ZNF385C: variants seen among roughly 807,000 people sequenced by gnomAD.
ZNF385C encodes the protein zinc finger protein 385C, also known as CTD-2132N18.2.
In ZNF385C, 28 loss-of-function variants were observed where a neutral mutation model predicts 35.4. The observed-to-expected ratio is 0.79, with a 90% CI of 0.59 to 1.08. The LOEUF is 1.08. ZNF385C is among the 50% of genes least tolerant of loss of function. The pLI, the probability that ZNF385C is intolerant of heterozygous loss-of-function variation, is 0.00. For synonymous variants in ZNF385C, 248 were observed against 248.2 expected (o/e 1.00, Z 0.01); for missense variants, 605 against 595.6 (o/e 1.02, Z -0.16).
At chr17:42,055,472 G>C (rs2053359076) in intron 2 of ZNF385C, among the ~76,000 whole-genome samples, 1 of 152,094 alleles carries the variant, frequency 6.6e-6, no homozygotes, top group South Asian at 2.1e-4. Flanking sequence ...GAAGAGCGTG[G>C]GGCACTTCTG....
Position 42,027,965 on chromosome 17 carries a change from T to C in ZNF385C, c.1164+85A>G, listed in dbSNP as rs73983697. 0.012 allele frequency: 17,730 copies of C among 1,513,946 alleles called. 1,751 individuals carry two copies. In the African/African-American group the frequency reaches 0.21, roughly 18 times the overall value. 93.8% of individuals were successfully genotyped at this position (1,513,946 alleles called of 1,614,324 possible). A position where few individuals can be genotyped will look rare whatever the true frequency, so the allele number is the denominator to read the frequency against. ...GCCTGCTCTGCTGTGCCCTGCCTGC[T>C]CTCTTCAGGGTCCCTCCCTCTGCTG... On this transcript the variant is annotated intron_variant, in intron 7 of 8. Coordinates refer to ENST00000692273, the MANE Select transcript of ZNF385C (RefSeq NM_001392013.1).
chr17:42,031,972 C>T (rs782596243), intron 4 of ZNF385C, among the ~76,000 whole-genome samples, 188 bp from the exon 5 acceptor site: 6 of 152,214 alleles, frequency 3.9e-5, no homozygotes, highest in Non-Finnish European at 7.3e-5. Context: ...AATGTGTTCT[C>T]GCACATGAAC....
chr17:42,060,856 C>T (rs1271260107), intron 2 of ZNF385C, among the ~76,000 whole-genome samples: 3 of 152,152 alleles, frequency 2.0e-5, no homozygotes, highest in Non-Finnish European at 4.4e-5. Flanking sequence ...GCGGGGACTA[C>T]AGGTGCTCAC....
At chr17:42,065,870 T>G (rs1465918059) in intron 1 of ZNF385C, among the ~76,000 whole-genome samples, 1 of 152,088 alleles carries the variant, frequency 6.6e-6, no homozygotes, top group East Asian at 1.9e-4. Context: ...GGTTCAAATC[T>G]CAGCTCTGTC....
At chr17:42,038,470 G>T in intron 2 of ZNF385C, 1 of 175,280 alleles carries the variant, frequency 5.7e-6, no homozygotes, top group Non-Finnish European at 1.2e-5. Context: ...AACATTCCTG[G>T]GTTGGGCCTC....
At chr17:42,062,107 C>T (rs2053470887) in intron 2 of ZNF385C, 1 of 152,892 alleles carries the variant, frequency 6.5e-6, no homozygotes, top group African/African-American at 2.4e-5. Flanking sequence ...CCTGCCTTTC[C>T]CACCTCCCCA....
At chr17:42,079,848 G>T (rs141223730) in intron 1 of ZNF385C, among the ~76,000 whole-genome samples, 1 of 152,112 alleles carries the variant, frequency 6.6e-6, no homozygotes, top group Non-Finnish European at 1.5e-5. Context: ...AGACAAACAG[G>T]CTTGGGTAGA....
chr17:42,074,403 T>TC (rs1555659072), intron 1 of ZNF385C, among the ~76,000 whole-genome samples: 1 of 152,116 alleles, frequency 6.6e-6, no homozygotes, highest in African/African-American at 2.4e-5. Context: ...GATTTTTTTT[T>TC]TTTTTTGAGA....
intron 1 of ZNF385C, among the ~76,000 whole-genome samples, chr17:42,079,680 A>G (rs181594355): frequency 1.3e-5 from 2 of 152,094 alleles, no homozygotes; most frequent in African/African-American, 2.4e-5. Flanking sequence ...TCACCCCCCA[A>G]AAAAAAGAAA....
intron 2 of ZNF385C, among the ~76,000 whole-genome samples, chr17:42,047,476 T>C (rs2053189868): frequency 6.6e-6 from 1 of 151,886 alleles, no homozygotes; most frequent in Admixed American, 6.6e-5. Flanking sequence ...TTAGACGATC[T>C]GAAGCTCTGA....
At chr17:42,056,315 A>G (rs952675400) in intron 2 of ZNF385C, among the ~76,000 whole-genome samples, 1 of 152,228 alleles carries the variant, frequency 6.6e-6, no homozygotes, top group African/African-American at 2.4e-5. Flanking sequence ...AGGAGTGGCC[A>G]TGGGTCCCGA....
chr17:42,094,230 G>A (rs531044810), intron 1 of ZNF385C, among the ~76,000 whole-genome samples: 13 of 152,020 alleles, frequency 8.6e-5, no homozygotes, highest in African/African-American at 1.2e-4. Flanking sequence ...TGATCCACCC[G>A]CCTCAGCCTC....
intron 2 of ZNF385C, among the ~76,000 whole-genome samples, chr17:42,044,607 ACT>A (rs2053110548): frequency 6.6e-6 from 1 of 151,062 alleles, no homozygotes; most frequent in Non-Finnish European, 1.5e-5. Context: ...CAAGAGCAAA[ACT>A]CTGTCTCAAA....
intron 4 of ZNF385C, 131 bp from the exon 5 acceptor site, chr17:42,031,915 C>G: frequency 1.0e-6 from 1 of 1,000,562 alleles, no homozygotes; most frequent in Non-Finnish European, 1.4e-6. Flanking sequence ...AAGTCCTTGT[C>G]CTTGTCATCA....
intron 2 of ZNF385C, chr17:42,039,976 G>A (rs2052971680): frequency 3.2e-6 from 4 of 1,231,052 alleles, no homozygotes; most frequent in African/African-American, 1.6e-5. Flanking sequence ...CTCCGAGTGC[G>A]CGCACGCCAG....
At chr17:42,073,859 C>CT (rs1376734745) in intron 1 of ZNF385C, among the ~76,000 whole-genome samples, 1 of 152,244 alleles carries the variant, frequency 6.6e-6, no homozygotes, top group East Asian at 1.9e-4. Flanking sequence ...GGCAGGCCTA[C>CT]TGGGGACCAG....
chr17:42,095,275 C>T lies in ZNF385C; in HGVS notation c.-3+3135G>A, dbSNP rs782444049. Among the ~76,000 whole-genome samples, 1 of 152,194 alleles carries T rather than the reference C, an allele frequency of 6.6e-6. No individual in the cohort carries two copies. Among genetic ancestry groups the T allele is most frequent in the Non-Finnish European group, 1.5e-5 (1 of 68,018 alleles). On this transcript the variant is annotated intron_variant, in intron 1 of 8. Transcript: ENST00000692273. This position sits in a 1 kb window ranked among gnomAD's most constrained non-coding sequence, Gnocchi z 4.4. Reference sequence around the variant, plus strand: ...ACAGGGCACTTGACTACAGTCAACACCAGCGTACCATTCATTCCCGCTGGG... The same window carrying T: ...ACAGGGCACTTGACTACAGTCAACATCAGCGTACCATTCATTCCCGCTGGG...
At chr17:42,044,546 G>A (rs1482148036) in intron 2 of ZNF385C, among the ~76,000 whole-genome samples, 2 of 151,790 alleles carry the variant, frequency 1.3e-5, no homozygotes, top group African/African-American at 2.4e-5. Flanking sequence ...AACCCGGGAG[G>A]CGGAGGTTGC....
intron 1 of ZNF385C, among the ~76,000 whole-genome samples, chr17:42,072,447 A>G (rs1555658922): frequency 6.6e-6 from 1 of 151,996 alleles, no homozygotes; most frequent in Non-Finnish European, 1.5e-5. Flanking sequence ...GCCCTGCAGA[A>G]CCACCTAAGT....
Sources: gnomAD v4.1 joint callset for allele counts (sites outside exome capture counted in the v4.1 genomes callset) on GRCh38, gnomAD v4.1.1 for gene constraint, Gnocchi (gnomAD v3.1) non-coding constraint, MANE v1.5 for transcripts, NCBI Gene and HGNC (gene_info 2026-07-23, HGNC 2026-07-21) for gene names.